RPGRIP1L: variants seen among roughly 807,000 people sequenced by gnomAD.
RPGRIP1L encodes RPGRIP1 like.
In RPGRIP1L, 131 loss-of-function variants were observed where a neutral mutation model predicts 160.4. The observed-to-expected ratio is 0.82, with a 90% confidence interval of 0.71 to 0.94. The LOEUF is 0.94. Ranked by LOEUF, RPGRIP1L falls within the 40% of genes least tolerant of loss-of-function variation. The pLI is 0.00. For missense variants in RPGRIP1L, 1,522 were observed against 1,535.8 expected, an observed-to-expected ratio of 0.99 and a Z score of 0.15; for synonymous variants, 510 against 515.8, an observed-to-expected ratio of 0.99 and a Z score of 0.15.
At chr16:53,624,530 C>T (rs956979259) in intron 22 of RPGRIP1L, among the ~76,000 whole-genome samples, 25 of 150,304 alleles carry the variant, frequency 1.7e-4, no homozygotes, top group African/African-American at 5.1e-4. Context: ...GGTGACAGAG[C>T]GAGACTCCAC....
intron 6 of RPGRIP1L, among the ~76,000 whole-genome samples, chr16:53,676,284 G>A (rs1438497102): frequency 6.6e-6 from 1 of 151,928 alleles, no homozygotes; most frequent in Non-Finnish European, 1.5e-5. Context: ...TTAACACAAT[G>A]TTAAAATAAT....
intron 23 of RPGRIP1L, 151 bp from the exon 24 acceptor site, chr16:53,619,359 A>G (rs1400853908): frequency 1.5e-5 from 10 of 684,880 alleles, no homozygotes; most frequent in South Asian, 1.0e-4. Flanking sequence ...TATGTTACAC[A>G]TGATAGATTA....
chr16:53,663,493 T>C (rs1967981676), intron 10 of RPGRIP1L, among the ~76,000 whole-genome samples: 1 of 152,112 alleles, frequency 6.6e-6, no homozygotes, highest in South Asian at 2.1e-4. Flanking sequence ...TTATCTGCTC[T>C]TGGAAAAGAG....
At chr16:53,699,386 T>TAA (rs10652484) in intron 2 of RPGRIP1L, among the ~76,000 whole-genome samples, 18,191 of 77,368 alleles carry the variant, frequency 0.24, 2,171 homozygotes, top group African/African-American at 0.35. Context: ...GAATGATCAA[T>TAA]AAAAAAAAAA....
intron 9 of RPGRIP1L, among the ~76,000 whole-genome samples, chr16:53,666,570 G>GTA (rs1161166135): frequency 8.3e-6 from 1 of 120,142 alleles, no homozygotes; most frequent in Non-Finnish European, 1.9e-5. Context: ...ACATCTATGT[G>GTA]TGTGTGTGTG....
chr16:53,698,303 G>A (rs1456486328), intron 2 of RPGRIP1L, among the ~76,000 whole-genome samples: 166 of 146,830 alleles, frequency 1.1e-3, no homozygotes, highest in Admixed American at 1.6e-3. Flanking sequence ...CAGCCGCCCC[G>A]TCCGGGAGGG....
rs190776027 is a variant in RPGRIP1L, at chr16:53,691,976, T to A, written c.529+90A>T. 1,408 of 1,187,456 alleles carry A rather than the reference T, an allele frequency of 1.2e-3. 11 individuals are homozygous for A. The Middle Eastern group carries it at 0.027, about 23-fold the overall frequency. 73.6% of individuals were successfully genotyped at this position (1,187,456 alleles called of 1,614,324 possible). ...CTCTTCCTAAAGACACTTAAAAGCA[T>A]GCGTAATACAGAAGTAAAACTTTGT... On this transcript the variant is annotated intron_variant, in intron 4 of 26. Coordinates refer to ENST00000647211, the MANE Select transcript of RPGRIP1L (RefSeq NM_015272.5).
intron 14 of RPGRIP1L, among the ~76,000 whole-genome samples, chr16:53,653,689 T>C (rs1966997174): frequency 6.6e-6 from 1 of 152,250 alleles, no homozygotes; most frequent in African/African-American, 2.4e-5. Flanking sequence ...CTTCTCCTCC[T>C]ATCCTTCTTC....
In RPGRIP1L at chr16:53,692,202, G is replaced by A. The variant is rs759792690; in HGVS notation, c.393C>T (p.Asn131=). 1 of 1,613,998 alleles carries A rather than the reference G, an allele frequency of 6.2e-7. No homozygotes were observed. The highest frequency in any genetic ancestry group is 2.2e-5 in the East Asian group (1 of 44,882). ...ELEKQNETLK[N]RLISAKQQLQ... ...GTTGCTGTTTGGCTGAAATCAGTCTGTTTTTGAGGGTTTCATTTTGTTTTT... is the reference window on the plus strand; with the variant it reads ...GTTGCTGTTTGGCTGAAATCAGTCTATTTTTGAGGGTTTCATTTTGTTTTT... The change falls in exon 4 of 27, where the codon AAC becomes AAT. Residue 131 remains asparagine (N), a synonymous_variant. Transcript: ENST00000647211.
At chr16:53,650,890 GT>G (rs1487916334) in intron 15 of RPGRIP1L, among the ~76,000 whole-genome samples, 1 of 152,042 alleles carries the variant, frequency 6.6e-6, no homozygotes, top group Non-Finnish European at 1.5e-5. Flanking sequence ...TAATTTTGGA[GT>G]TTCCCAAGGC....
intron 24 of RPGRIP1L, among the ~76,000 whole-genome samples, chr16:53,613,771 T>A (rs1483587881): frequency 6.6e-6 from 1 of 152,238 alleles, no homozygotes; most frequent in African/African-American, 2.4e-5. Flanking sequence ...TTGCCACTAT[T>A]TACTGGGTAC....
At chr16:53,674,903 T>G in intron 7 of RPGRIP1L, 114 bp downstream of exon 7, 1 of 695,212 alleles carries the variant, frequency 1.4e-6, no homozygotes, top group South Asian at 1.7e-5. Flanking sequence ...AGAACAATCC[T>G]TCAAAATTAT....
Position 53,616,151 on chromosome 16 carries a change from A to C in RPGRIP1L, c.3616+2874T>G, listed in dbSNP as rs1263263876. ...AGACAGCATGTACTAATTGTCCTCTAAATTATCCATTTGAATTAAAAAGTC... is the reference window on the plus strand; with the variant it reads ...AGACAGCATGTACTAATTGTCCTCTCAATTATCCATTTGAATTAAAAAGTC... On this transcript the variant is annotated intron_variant, in intron 24 of 26. Transcript: ENST00000647211. Among the ~76,000 whole-genome samples the C allele has an allele frequency of 2.0e-5, 3 of 152,190 alleles. No homozygotes were observed. The East Asian group carries it at 5.8e-4, about 29-fold the overall frequency.
At chr16:53,652,470 G>A in intron 15 of RPGRIP1L, 65 bp downstream of exon 15, 1 of 1,222,650 alleles carries the variant, frequency 8.2e-7, no homozygotes, top group Non-Finnish European at 1.2e-6. Flanking sequence ...GTAATGTAGA[G>A]TACCATAACG....
intron 19 of RPGRIP1L, 73 bp from the exon 20 acceptor site, chr16:53,638,484 T>C (rs1374065733): frequency 1.2e-6 from 1 of 836,634 alleles, no homozygotes; most frequent in Non-Finnish European, 2.0e-6. Flanking sequence ...TTCTATCATA[T>C]ACATATTGAA....
chr16:53,646,729 C>G (rs897952068), intron 16 of RPGRIP1L, among the ~76,000 whole-genome samples: 4 of 152,152 alleles, frequency 2.6e-5, no homozygotes, highest in Non-Finnish European at 5.9e-5. Context: ...TGTTTCTGTG[C>G]TTTGTTTGGT....
At position 53,696,235 on chromosome 16, in the gene RPGRIP1L, T is replaced by G. The variant is rs1970747324; in HGVS notation, c.146A>C (p.Glu49Ala). ...CAAACGCAAAAATCTGTCTTCCAGTTCCTCACGACTGACACGTGACACTGC... is the reference window on the plus strand; with the variant it reads ...CAAACGCAAAAATCTGTCTTCCAGTGCCTCACGACTGACACGTGACACTGC... ...RQAVSRVSRE[E>A]LEDRFLRLHD... Residue 49 changes from glutamate to alanine, a missense_variant, in exon 3 of 27, where the codon GAA becomes GCA. Transcript: ENST00000647211. 1.9e-6 allele frequency: 3 copies of G among 1,613,956 alleles called. No homozygotes were observed. The highest frequency in any genetic ancestry group is 2.5e-6 in the Non-Finnish European group (3 of 1,179,986).
chr16:53,633,723 T>G (rs1017522299), intron 22 of RPGRIP1L, among the ~76,000 whole-genome samples: 2 of 152,206 alleles, frequency 1.3e-5, no homozygotes, highest in African/African-American at 2.4e-5. Flanking sequence ...TGTTTATAAG[T>G]AAATACCTAA....
chr16:53,669,384 T>C (rs548345024), intron 9 of RPGRIP1L, among the ~76,000 whole-genome samples: 1 of 152,144 alleles, frequency 6.6e-6, no homozygotes, highest in Non-Finnish European at 1.5e-5. Context: ...TCACATAAAC[T>C]TCACGTGTGA....
Sources: gnomAD v4.1 joint callset for allele counts (sites outside exome capture counted in the v4.1 genomes callset) on GRCh38, gnomAD v4.1.1 for gene constraint, MANE v1.5 for transcripts, NCBI Gene and HGNC (gene_info 2026-07-23, HGNC 2026-07-21) for gene names.